Variants in KCNH1 observed in about 807,000 individuals in gnomAD.
KCNH1 encodes the protein potassium voltage-gated channel subfamily H member 1, also known as voltage-gated delayed rectifier potassium channel KCNH1.
KCNH1 carries 27 observed loss-of-function variants against 69.2 expected under a neutral mutation model. That is an observed-to-expected ratio of 0.39 (90% CI 0.29 to 0.54). The LOEUF is 0.54. KCNH1 is among the 20% of genes least tolerant of loss of function. KCNH1 has a pLI of 0.68. For missense variants in KCNH1, 798 were observed against 1,261.6 expected, an observed-to-expected ratio of 0.63 and a Z score of 5.57; for synonymous variants, 456 against 487.7, an observed-to-expected ratio of 0.93 and a Z score of 0.86.
Position 211,011,163 on chromosome 1 carries a change from T to C in KCNH1, c.1032+7620A>G, listed in dbSNP as rs1033583783. 2.0e-5 allele frequency among the ~76,000 whole-genome samples: 3 copies of C among 152,146 alleles called. No individual in the cohort carries two copies. The East Asian group carries it at 5.8e-4, about 29-fold the overall frequency. On this transcript the variant is annotated intron_variant, in intron 6 of 10. Coordinates refer to ENST00000271751, the MANE Select transcript of KCNH1 (RefSeq NM_172362.3). ...ACCCCCAACAGGCCCTGGTGTGTGA[T>C]GTTCCCCTCTGTGTCTATGTGTTTT...
chr1:210,726,625 A>G (rs1197264320), intron 10 of KCNH1, among the ~76,000 whole-genome samples: 1 of 152,158 alleles, frequency 6.6e-6, no homozygotes, highest in African/African-American at 2.4e-5. Flanking sequence ...CACCCACAAC[A>G]TTTATCTTAT....
At chr1:211,043,474 AC>A (rs778547525) in intron 5 of KCNH1, among the ~76,000 whole-genome samples, 5 of 152,132 alleles carry the variant, frequency 3.3e-5, no homozygotes, top group Non-Finnish European at 7.4e-5. Flanking sequence ...AAAATTACCA[AC>A]AAAAAAAAAT....
chr1:210,968,574 A>G (rs1305316301), intron 6 of KCNH1, among the ~76,000 whole-genome samples: 1 of 150,590 alleles, frequency 6.6e-6, no homozygotes, highest in Non-Finnish European at 1.5e-5. Context: ...CTGATGTGAG[A>G]TGGTATCTCA....
At chr1:210,718,645 T>C (rs1574207467) in intron 10 of KCNH1, among the ~76,000 whole-genome samples, 1 of 69,534 alleles carries the variant, frequency 1.4e-5, no homozygotes, top group Non-Finnish European at 2.5e-5. Flanking sequence ...TATATACATA[T>C]ATATATACAC....
intron 10 of KCNH1, among the ~76,000 whole-genome samples, chr1:210,766,539 G>A (rs1270784421): frequency 6.6e-6 from 1 of 152,096 alleles, no homozygotes; most frequent in African/African-American, 2.4e-5. Flanking sequence ...TTAACTGGAA[G>A]TATAATGAGA....
chr1:210,899,652 A>T (rs181006791), intron 7 of KCNH1, among the ~76,000 whole-genome samples: 1 of 152,326 alleles, frequency 6.6e-6, no homozygotes, highest in Admixed American at 6.5e-5. Flanking sequence ...CTCAAAATGT[A>T]TTTGTGTTTA....
intron 10 of KCNH1, among the ~76,000 whole-genome samples, chr1:210,769,558 C>T (rs1683710017): frequency 1.3e-5 from 2 of 152,198 alleles, no homozygotes; most frequent in Non-Finnish European, 2.9e-5. Flanking sequence ...ACAAAACAAA[C>T]TCTATACACA....
chr1:210,835,878 C>A (rs1046939510), intron 7 of KCNH1, among the ~76,000 whole-genome samples: 3 of 151,930 alleles, frequency 2.0e-5, no homozygotes, highest in Admixed American at 2.0e-4. Flanking sequence ...GCTTGTAATC[C>A]CAGGACTTTG....
intron 7 of KCNH1, among the ~76,000 whole-genome samples, chr1:210,816,582 T>C (rs1384431587): frequency 6.6e-6 from 1 of 152,202 alleles, no homozygotes; most frequent in Non-Finnish European, 1.5e-5. Context: ...GAGACAACCA[T>C]TTAGTTACAA....
At chr1:211,115,082 G>A (rs56390040) in intron 1 of KCNH1, among the ~76,000 whole-genome samples, 2,307 of 151,996 alleles carry the variant, frequency 0.015, 68 homozygotes, top group African/African-American at 0.053. Flanking sequence ...TCCGCCTCCC[G>A]GATTCAAGCA....
chr1:210,974,154 T>C (rs1688559477), intron 6 of KCNH1, among the ~76,000 whole-genome samples: 1 of 152,158 alleles, frequency 6.6e-6, no homozygotes, highest in Non-Finnish European at 1.5e-5. Flanking sequence ...ATGTTAGCTG[T>C]AGGTGTTTTG....
At chr1:211,023,856 T>C (rs1344423192) in intron 5 of KCNH1, among the ~76,000 whole-genome samples, 2 of 152,132 alleles carry the variant, frequency 1.3e-5, no homozygotes, top group Non-Finnish European at 2.9e-5. Flanking sequence ...AAAATTAGTA[T>C]TTGATAGGAG....
intron 5 of KCNH1, among the ~76,000 whole-genome samples, chr1:211,081,607 G>A (rs1197518497): frequency 6.6e-6 from 1 of 152,174 alleles, no homozygotes. Flanking sequence ...AAGAAAATGT[G>A]GCACATATAC....
chr1:210,709,764 G>A (rs527529617), intron 10 of KCNH1, among the ~76,000 whole-genome samples: 107 of 149,988 alleles, frequency 7.1e-4, no homozygotes, highest in African/African-American at 2.5e-3. Flanking sequence ...GAGAGAGAGA[G>A]AAATGATAGC....
At chr1:210,956,374 G>A (rs980715269) in intron 6 of KCNH1, among the ~76,000 whole-genome samples, 1 of 151,994 alleles carries the variant, frequency 6.6e-6, no homozygotes, top group Non-Finnish European at 1.5e-5. Context: ...TTTTTTTGTT[G>A]TGTCTCTGCC....
At chr1:210,792,362 G>A (rs887311853) in intron 9 of KCNH1, among the ~76,000 whole-genome samples, 10 of 152,150 alleles carry the variant, frequency 6.6e-5, no homozygotes, top group African/African-American at 2.4e-4. Context: ...GGACTGTGAG[G>A]CTCTTCAAAG....
chr1:210,806,820 A>ATATATATATATATATATAT (rs1558477727), intron 7 of KCNH1, among the ~76,000 whole-genome samples: 1 of 23,692 alleles, frequency 4.2e-5, no homozygotes, highest in African/African-American at 1.2e-4. Context: ...AAAAAAAAAA[A>ATATATATATATATATATAT]AAAAAAAAAA....
chr1:210,871,209 A>G (rs1686235457), intron 7 of KCNH1, among the ~76,000 whole-genome samples: 1 of 151,362 alleles, frequency 6.6e-6, no homozygotes, highest in Admixed American at 6.6e-5. Flanking sequence ...TTACAAGACA[A>G]AAACAAACAA....
At chr1:210,740,732 T>TCA (rs749631249) in intron 10 of KCNH1, among the ~76,000 whole-genome samples, 1 of 131,860 alleles carries the variant, frequency 7.6e-6, no homozygotes, top group Non-Finnish European at 1.6e-5. Context: ...TTTTTTTTTT[T>TCA]ACTAAAAGAA....
Sources: allele counts gnomAD v4.1 joint callset (sites outside exome capture counted in the v4.1 genomes callset), GRCh38; gene constraint gnomAD v4.1.1; transcripts MANE v1.5; gene names NCBI Gene and HGNC (gene_info 2026-07-23, HGNC 2026-07-21).